RAB11FIP2: variants seen among roughly 807,000 people sequenced by gnomAD.
RAB11FIP2 encodes the protein RAB11 family interacting protein 2.
In RAB11FIP2, 16 loss-of-function variants were observed where a neutral mutation model predicts 40.9. That is an observed-to-expected ratio of 0.39 (90% CI 0.26 to 0.59). The LOEUF is 0.59. RAB11FIP2 is among the 20% of genes least tolerant of loss of function. The pLI is 0.53. For missense variants in RAB11FIP2, 532 were observed against 606.2 expected, an observed-to-expected ratio of 0.88 and a Z score of 1.28; for synonymous variants, 228 against 213.7, an observed-to-expected ratio of 1.07 and a Z score of -0.58.
chr10:118,033,100 G>A (rs1417137640), intron 3 of RAB11FIP2, among the ~76,000 whole-genome samples: 1 of 151,968 alleles, frequency 6.6e-6, no homozygotes, highest in Non-Finnish European at 1.5e-5. Flanking sequence ...GGATATATAG[G>A]GTTCGGAACT....
chr10:118,018,244 A>T (rs1846244868), intron 3 of RAB11FIP2: 1 of 152,254 alleles, frequency 6.6e-6, no homozygotes, highest in East Asian at 1.9e-4. Context: ...GGGAAAAAAG[A>T]GTTAACTGAA....
chr10:118,009,859 A>G (rs1039780201), intron 4 of RAB11FIP2, among the ~76,000 whole-genome samples: 1 of 152,082 alleles, frequency 6.6e-6, no homozygotes, highest in Non-Finnish European at 1.5e-5. Context: ...TCCTATAATA[A>G]TATCTAATTT....
intron 4 of RAB11FIP2, among the ~76,000 whole-genome samples, chr10:118,013,943 T>C (rs900709506): frequency 6.6e-6 from 1 of 152,126 alleles, no homozygotes; most frequent in Non-Finnish European, 1.5e-5. Flanking sequence ...AACCGCCTGA[T>C]AGAATTCATT....
At chr10:118,012,368 A>G (rs1212516201) in intron 4 of RAB11FIP2, among the ~76,000 whole-genome samples, 1 of 151,930 alleles carries the variant, frequency 6.6e-6, no homozygotes, top group Non-Finnish European at 1.5e-5. Flanking sequence ...AGGCAGGAAA[A>G]CATCTTAGAA....
intron 3 of RAB11FIP2, among the ~76,000 whole-genome samples, chr10:118,019,822 C>A (rs1229543231): frequency 6.8e-6 from 1 of 146,864 alleles, no homozygotes; most frequent in African/African-American, 2.5e-5. Flanking sequence ...CGAGACTCTG[C>A]CTCAAAGAAA....
rs1286362406 is a variant in RAB11FIP2, at chr10:118,005,381, A to G, written c.*3617T>C. The G allele has an allele frequency of 6.6e-6, 1 of 152,668 alleles. No homozygotes were observed. The highest frequency in any genetic ancestry group is 1.5e-5 in the Non-Finnish European group (1 of 68,048). 9.5% of individuals were successfully genotyped at this position (152,668 alleles called of 1,614,324 possible). A position where few individuals can be genotyped will look rare whatever the true frequency, so the allele number is the denominator to read the frequency against. Reference sequence around the variant, plus strand: ...CAGAAAATGCTTCATATGCAGATTAATTAGCTAAGGTGCTACCAATTGCAT... The same window carrying G: ...CAGAAAATGCTTCATATGCAGATTAGTTAGCTAAGGTGCTACCAATTGCAT... On this transcript the variant is annotated 3_prime_UTR_variant, in exon 5 of 5. Coordinates refer to ENST00000355624, the MANE Select transcript of RAB11FIP2 (RefSeq NM_014904.3).
intron 3 of RAB11FIP2, among the ~76,000 whole-genome samples, chr10:118,036,773 A>T (rs1440308737): frequency 1.3e-5 from 2 of 152,060 alleles, no homozygotes; most frequent in Non-Finnish European, 2.9e-5. Context: ...TTTTTTTTAC[A>T]TACTTGCAAT....
intron 4 of RAB11FIP2, among the ~76,000 whole-genome samples, chr10:118,011,453 T>C (rs1377818557): frequency 6.6e-6 from 1 of 151,950 alleles, no homozygotes; most frequent in Non-Finnish European, 1.5e-5. Context: ...AATATATAGT[T>C]TGGAGATACA....
At chr10:118,016,468 ATTC>A (rs1392911349) in intron 3 of RAB11FIP2, among the ~76,000 whole-genome samples, 1 of 152,164 alleles carries the variant, frequency 6.6e-6, no homozygotes, top group Non-Finnish European at 1.5e-5. Context: ...TCCAAAAAGC[ATTC>A]TCACATAGTC....
chr10:118,029,358 TAACTA>T (rs1022372257), intron 3 of RAB11FIP2, among the ~76,000 whole-genome samples: 1 of 152,150 alleles, frequency 6.6e-6, no homozygotes, highest in African/African-American at 2.4e-5. Context: ...ATTAACTTCC[TAACTA>T]GTTTCCCTGT....
intron 1 of RAB11FIP2, among the ~76,000 whole-genome samples, chr10:118,042,881 G>A (rs991780563): frequency 6.6e-6 from 1 of 152,110 alleles, no homozygotes; most frequent in Non-Finnish European, 1.5e-5. Context: ...CATTGAAAAT[G>A]TAGCAATGAC....
chr10:118,045,084 A>C (rs1846609929), intron 1 of RAB11FIP2, among the ~76,000 whole-genome samples: 1 of 152,210 alleles, frequency 6.6e-6, no homozygotes, highest in Admixed American at 6.5e-5. Context: ...GATGTTATCA[A>C]ATCATTTCAT....
rs1156381533 is a variant in RAB11FIP2, at chr10:118,008,855, T to C, written c.*143A>G. ...ACTCTTGATAGTCCCTGCTAATATT[T>C]ACAGGTAAAACTACTCTTCACAATA... On this transcript the variant is annotated 3_prime_UTR_variant, in exon 5 of 5. Transcript: ENST00000355624. 1 of 672,418 alleles carries C rather than the reference T, an allele frequency of 1.5e-6. No homozygotes were observed. The highest frequency in any genetic ancestry group is 2.5e-6 in the Non-Finnish European group (1 of 395,416). 41.7% of individuals were successfully genotyped at this position (672,418 alleles called of 1,614,324 possible). A position where few individuals can be genotyped will look rare whatever the true frequency, so the allele number is the denominator to read the frequency against.
Position 118,009,211 on chromosome 10 carries a change from A to C in RAB11FIP2, c.1326T>G (p.Phe442Leu), listed in dbSNP as rs1305004455. ...DLRKIPDSNP[F>L]DATAGYRSLT... The stretch of plus-strand genomic sequence containing the variant: ...GACTACGATACCCTGCAGTGGCATC[A>C]AAGGGGTTGCTGTCCTAGAACAGGA... Residue 442 changes from phenylalanine (F) to leucine (L), a missense_variant, in exon 5 of 5, where the codon TTT (phenylalanine) becomes TTG (leucine). Phe to Leu is a conservative substitution (Grantham distance 22). Transcript: ENST00000355624. 3.1e-6 allele frequency: 5 copies of C among 1,612,682 alleles called. No individual in the cohort carries two copies. In the African/African-American group the frequency reaches 6.7e-5, roughly 22 times the overall value.
At position 118,039,406 on chromosome 10, in the gene RAB11FIP2, G is replaced by C. The variant is rs997407852; in HGVS notation, c.831C>G (p.Ser277Arg). The change falls in exon 3 of 5, where the codon AGC becomes AGG. Residue 277 changes from serine to arginine, a missense_variant. By Grantham distance (110) the Ser-to-Arg change is moderately radical. Coordinates refer to ENST00000355624, the MANE Select transcript of RAB11FIP2 (RefSeq NM_014904.3). ...GTTGGTTCATTTTAGAAGTATCAAA[G>C]CTTAATGTTCTTCTGTGTGGAGATT... ...SLKSPHRRTL[S>R]FDTSKMNQPD... 35 of 1,612,954 alleles carry C rather than the reference G, an allele frequency of 2.2e-5. No individual in the cohort carries two copies. Among genetic ancestry groups the C allele is most frequent in the African/African-American group, 2.7e-5 (2 of 74,842 alleles).
chr10:118,033,547 G>A (rs1049738786), intron 3 of RAB11FIP2, among the ~76,000 whole-genome samples: 2 of 152,134 alleles, frequency 1.3e-5, no homozygotes, highest in African/African-American at 2.4e-5. Context: ...GATGAGTTGA[G>A]AGTGCACCCC....
chr10:118,010,023 T>C (rs887504871), intron 4 of RAB11FIP2, among the ~76,000 whole-genome samples: 2 of 152,150 alleles, frequency 1.3e-5, no homozygotes, highest in African/African-American at 2.4e-5. Context: ...AGCATAAATA[T>C]AACCAAAAAT....
Position 118,040,338 on chromosome 10 carries a change from G to A in RAB11FIP2, c.581C>T (p.Pro194Leu). 2.5e-6 allele frequency: 4 copies of A among 1,613,768 alleles called. No homozygotes were observed. Among genetic ancestry groups the A allele is most frequent in the Non-Finnish European group, 3.4e-6 (4 of 1,179,764 alleles). Reference protein sequence around the residue: ...SSAIIPSTHMPDANSEFSSGE... With the variant: ...SSAIIPSTHMLDANSEFSSGE... ...ACTTGAAAATTCACTATTGGCATCG[G>A]GCATGTGAGTACTTGGAATGATTGC... The change falls in exon 2 of 5, where the codon CCC (proline) becomes CTC (leucine). Residue 194 changes from proline (P) to leucine (L), a missense_variant. Physicochemically the swap from Pro to Leu is moderately conservative, Grantham distance 98. Coordinates refer to ENST00000355624, the MANE Select transcript of RAB11FIP2 (RefSeq NM_014904.3).
chr10:118,007,304 A>C lies in RAB11FIP2; in HGVS notation c.*1694T>G, dbSNP rs899467078. 2.6e-5 allele frequency: 4 copies of C among 151,966 alleles called. No individual in the cohort carries two copies. The highest frequency in any genetic ancestry group is 1.3e-4 in the Admixed American group (2 of 15,244). 9.4% of individuals were successfully genotyped at this position (151,966 alleles called of 1,614,324 possible). On this transcript the variant is annotated 3_prime_UTR_variant, in exon 5 of 5. Coordinates refer to ENST00000355624, the MANE Select transcript of RAB11FIP2 (RefSeq NM_014904.3). ...CCTTCTCCATTTCTTAAAGCATTTAATTTTTATGAAAAAAATGTTCATAAT... is the reference window on the plus strand; with the variant it reads ...CCTTCTCCATTTCTTAAAGCATTTACTTTTTATGAAAAAAATGTTCATAAT...
Sources: gnomAD v4.1 joint callset for allele counts (sites outside exome capture counted in the v4.1 genomes callset) on GRCh38, gnomAD v4.1.1 for gene constraint, MANE v1.5 for transcripts, NCBI Gene and HGNC (gene_info 2026-07-23, HGNC 2026-07-21) for gene names.